TPRG1: variants seen among roughly 807,000 people sequenced by gnomAD.
TPRG1 encodes tumor protein p63 regulated 1.
In TPRG1, 29 loss-of-function variants were observed where a neutral mutation model predicts 29.3. The ratio of observed to expected loss-of-function variants is 0.99; its 90% CI spans 0.74 to 1.35. The LOEUF is 1.35. Ranked by LOEUF, TPRG1 falls within the 40% of genes most tolerant of loss-of-function variation. The pLI is 0.00. For missense variants in TPRG1, 327 were observed against 335.0 expected, an observed-to-expected ratio of 0.98 and a Z score of 0.19; for synonymous variants, 130 against 116.8, an observed-to-expected ratio of 1.11 and a Z score of -0.73.
rs1275029021 is a variant in TPRG1, at chr3:189,307,438, G to A, written c.480-2948G>A. Among the ~76,000 whole-genome samples the A allele has an allele frequency of 2.0e-5, 3 of 152,176 alleles. No homozygotes were observed. The East Asian group carries it at 5.8e-4, about 29-fold the overall frequency. Reference sequence around the variant, plus strand: ...AATTGCTCATATTGAGTATATTTAAGAATGCATAGTTTGTTTTGAGACAGA... The same window carrying A: ...AATTGCTCATATTGAGTATATTTAAAAATGCATAGTTTGTTTTGAGACAGA... On this transcript the variant is annotated intron_variant, in intron 4 of 5. Transcript: ENST00000345063.
intron 5 of TPRG1, among the ~76,000 whole-genome samples, chr3:189,162,642 G>C (rs576994695): frequency 6.6e-6 from 1 of 152,224 alleles, no homozygotes; most frequent in East Asian, 1.9e-4. Context: ...GGAAGAGAGA[G>C]AAAGACAGCA....
chr3:189,188,755 G>C (rs1057287010), intron 1 of TPRG1, among the ~76,000 whole-genome samples: 27 of 152,272 alleles, frequency 1.8e-4, no homozygotes, highest in African/African-American at 6.5e-4. Context: ...CTTCTTGTAA[G>C]ATAAGCCTTG....
chr3:189,285,481 A>G (rs912750155), intron 4 of TPRG1, among the ~76,000 whole-genome samples: 2 of 152,210 alleles, frequency 1.3e-5, no homozygotes, highest in Admixed American at 6.5e-5. Context: ...CAGTGCTCCA[A>G]GTAAATGAAG....
chr3:189,003,311 C>T (rs1712123487), intron 2 of TPRG1, among the ~76,000 whole-genome samples: 1 of 152,108 alleles, frequency 6.6e-6, no homozygotes, highest in African/African-American at 2.4e-5. Flanking sequence ...CTACCTAGCC[C>T]TAAAGGCTCC....
chr3:189,299,054 G>A (rs1337243877), intron 4 of TPRG1, among the ~76,000 whole-genome samples: 1 of 111,244 alleles, frequency 9.0e-6, no homozygotes, highest in Admixed American at 7.8e-5. Context: ...TTAGAAAAAT[G>A]GGTTTTTTTT....
Position 189,310,440 on chromosome 3 carries a change from T to C in TPRG1, c.534T>C (p.Leu178=). Residue 178 remains leucine, a synonymous_variant, in exon 5 of 6, where the codon CTT becomes CTC. Coordinates refer to ENST00000345063, the MANE Select transcript of TPRG1 (RefSeq NM_198485.4). ...GGGGGAGTCCGGAGGAGCAGTCTCT[T>C]CTGTCCCGCTGGAACCCATGGTCCA... is the stretch of plus-strand genomic sequence containing the variant. ...IYWGSPEEQS[L]LSRWNPWSTE... The C allele has an allele frequency of 6.2e-7, 1 of 1,612,502 alleles. No homozygotes were observed. Among genetic ancestry groups the C allele is most frequent in the South Asian group, 1.1e-5 (1 of 90,920 alleles).
At chr3:189,220,172 G>T (rs1278998927) in intron 3 of TPRG1, among the ~76,000 whole-genome samples, 2 of 151,984 alleles carry the variant, frequency 1.3e-5, no homozygotes, top group African/African-American at 4.8e-5. Flanking sequence ...ATATGCCCTT[G>T]TTTTAATAGT....
intron 1 of TPRG1, among the ~76,000 whole-genome samples, chr3:189,124,996 G>A (rs928452243): frequency 4.6e-5 from 7 of 152,288 alleles, no homozygotes; most frequent in African/African-American, 1.7e-4. Flanking sequence ...ACTTTAATCT[G>A]TTCTACCTTC....
intron 4 of TPRG1, among the ~76,000 whole-genome samples, chr3:189,251,782 G>C (rs1742302737): frequency 6.6e-6 from 1 of 152,214 alleles, no homozygotes; most frequent in South Asian, 2.1e-4. Flanking sequence ...TATCTCAGTA[G>C]ATGGAACATA....
intron 1 of TPRG1, among the ~76,000 whole-genome samples, chr3:189,192,619 A>C (rs1477176318): frequency 5.3e-5 from 8 of 151,638 alleles, no homozygotes; most frequent in African/African-American, 1.9e-4. Flanking sequence ...ATGAGAATTT[A>C]CTCCTGTCAT....
intron 4 of TPRG1, among the ~76,000 whole-genome samples, chr3:189,248,571 T>C (rs1741695610): frequency 6.6e-6 from 1 of 151,042 alleles, no homozygotes; most frequent in Non-Finnish European, 1.5e-5. Context: ...TTTTGTTAGA[T>C]ATATTAAGCT....
At chr3:189,145,172 G>C (rs1249557101) in intron 3 of TPRG1, among the ~76,000 whole-genome samples, 2 of 151,950 alleles carry the variant, frequency 1.3e-5, no homozygotes, top group African/African-American at 4.8e-5. Flanking sequence ...GACCATCCTG[G>C]CCAACATGGT....
intron 1 of TPRG1, among the ~76,000 whole-genome samples, chr3:189,193,365 A>G (rs1384681277): frequency 2.0e-5 from 3 of 151,954 alleles, no homozygotes; most frequent in African/African-American, 7.2e-5. Flanking sequence ...GACTTTTGAC[A>G]GTTTGACTAC....
intron 4 of TPRG1, among the ~76,000 whole-genome samples, chr3:189,305,488 G>A (rs1355994998): frequency 1.3e-5 from 2 of 152,178 alleles, no homozygotes. Flanking sequence ...ACTAGTATGA[G>A]CAGTTTCTAC....
rs142914254 is a variant in TPRG1 at position 189,317,156 on chromosome 3, T to C, written c.634-3470T>C. Among the ~76,000 whole-genome samples the C allele has an allele frequency of 2.3e-3, 353 of 152,312 alleles. 4 individuals carry two copies. Among genetic ancestry groups the C allele is most frequent in the East Asian group, 0.021 (107 of 5,184 alleles). ...TGATGAAGCCAGAGGAAGCATTCAG[T>C]AATCCAACTGGACAAGATTTACTGA... On this transcript the variant is annotated intron_variant, in intron 5 of 5. Transcript: ENST00000345063.
intron 3 of TPRG1, among the ~76,000 whole-genome samples, chr3:189,236,375 A>C (rs57258887): frequency 0.037 from 5,577 of 152,278 alleles, 307 homozygotes; most frequent in African/African-American, 0.13. Flanking sequence ...CTTATAACTT[A>C]CTGCTAAGTA....
intron 4 of TPRG1, among the ~76,000 whole-genome samples, chr3:189,056,284 C>T (rs773041185): frequency 8.5e-5 from 13 of 152,110 alleles, no homozygotes; most frequent in Middle Eastern, 3.4e-3. Flanking sequence ...TCAGTAGAGA[C>T]GGGGTTTTGC....
intron 3 of TPRG1, among the ~76,000 whole-genome samples, 195 bp downstream of exon 3, chr3:189,215,578 T>C (rs1338541744): frequency 2.0e-5 from 3 of 152,098 alleles, no homozygotes; most frequent in Non-Finnish European, 4.4e-5. Flanking sequence ...CCTATACCTG[T>C]TTTCTGGGCT....
intron 4 of TPRG1, among the ~76,000 whole-genome samples, chr3:189,279,067 T>G (rs1716652977): frequency 6.6e-6 from 1 of 152,262 alleles, no homozygotes; most frequent in South Asian, 2.1e-4. Context: ...GTAGATTTTA[T>G]GAACTATACA....
Sources: gnomAD v4.1 joint callset for allele counts (sites outside exome capture counted in the v4.1 genomes callset) on GRCh38, gnomAD v4.1.1 for gene constraint, MANE v1.5 for transcripts, NCBI Gene and HGNC (gene_info 2026-07-23, HGNC 2026-07-21) for gene names.